Variants in UTP20 observed in about 807,000 individuals in gnomAD.
The protein encoded by UTP20 is small subunit processome component 20 homolog.
Under a neutral mutation model 329.5 loss-of-function variants are expected in UTP20, and 164 were observed. That is an observed-to-expected ratio of 0.50 (90% CI 0.44 to 0.57). UTP20 has a LOEUF of 0.57. UTP20 is among the 20% of genes least tolerant of loss of function. The probability of loss-of-function intolerance (pLI) is 0.00; values close to 1 mark genes in which losing one functional copy is unlikely to be tolerated. For synonymous variants in UTP20, 1,151 were observed against 1,159.3 expected, an observed-to-expected ratio of 0.99 and a Z score of 0.14; for missense variants, 3,055 against 3,284.2, an observed-to-expected ratio of 0.93 and a Z score of 1.71.
At chr12:101,357,812 T>C (rs1011103115) in intron 43 of UTP20, among the ~76,000 whole-genome samples, 2 of 152,158 alleles carry the variant, frequency 1.3e-5, no homozygotes, top group African/African-American at 4.8e-5. Context: ...TTACGTGGTA[T>C]CTAGCCCCTC....
At chr12:101,358,870 A>C (rs1468584503) in intron 43 of UTP20, among the ~76,000 whole-genome samples, 1 of 152,092 alleles carries the variant, frequency 6.6e-6, no homozygotes, top group African/African-American at 2.4e-5. Flanking sequence ...CTTTCTGATG[A>C]GTTATTCAAT....
chr12:101,334,376 A>G (rs759751008), intron 28 of UTP20, 49 bp from the exon 29 acceptor site: 5 of 1,518,528 alleles, frequency 3.3e-6, no homozygotes, highest in South Asian at 1.2e-5. Flanking sequence ...TGGTTTTTCT[A>G]TAATTTGGTA....
In UTP20 at chr12:101,280,270, G is replaced by A; in HGVS notation, c.-13G>A. 1 of 1,551,694 alleles carries A rather than the reference G, an allele frequency of 6.4e-7. No individual in the cohort carries two copies. On this transcript the variant is annotated 5_prime_UTR_variant, in exon 1 of 62. Coordinates refer to ENST00000261637, the MANE Select transcript of UTP20 (RefSeq NM_014503.3). The stretch of plus-strand genomic sequence containing the variant: ...CTCCCGAGGCCGTCGCGGGCCACTG[G>A]CCCTCTGCAGCCATGAAGACAAAGC...
In UTP20 at chr12:101,383,275, A is replaced by C. The variant is rs1341625463; in HGVS notation, c.7891A>C (p.Lys2631Gln). ...GATCCAGAAGCTGTCCCGGATTGCA[A>C]AACTGGAAGCTGCTTATTCGCCGAG... is the stretch of plus-strand genomic sequence containing the variant. ...WLIQKLSRIA[K>Q]LEAAYSPRNP... The change falls in exon 59 of 62, where the codon AAA (lysine) becomes CAA (glutamine). Residue 2631 changes from lysine (K) to glutamine (Q), a missense_variant. Lys to Gln is a moderately conservative substitution (Grantham distance 53). This residue lies in a region of UTP20 where 337 missense variants were observed against 345.5 expected (regional missense o/e 0.98). Coordinates refer to ENST00000261637, the MANE Select transcript of UTP20 (RefSeq NM_014503.3). 1.2e-6 allele frequency: 2 copies of C among 1,614,122 alleles called. No individual in the cohort carries two copies. Among genetic ancestry groups the C allele is most frequent in the African/African-American group, 2.7e-5 (2 of 75,048 alleles).
At chr12:101,356,189 C>T (rs377741088) in intron 41 of UTP20, among the ~76,000 whole-genome samples, 2 of 152,188 alleles carry the variant, frequency 1.3e-5, no homozygotes, top group Admixed American at 1.3e-4. Context: ...TGCAGTGGCA[C>T]GATCTCGGCT....
At position 101,363,730 on chromosome 12, in the gene UTP20, T is replaced by C; in HGVS notation, c.5945T>C (p.Leu1982Pro). The C allele has an allele frequency of 1.2e-6, 2 of 1,604,746 alleles. No individual in the cohort carries two copies. The highest frequency in any genetic ancestry group is 1.7e-6 in the Non-Finnish European group (2 of 1,171,564). Residue 1982 changes from leucine to proline, a missense_variant, in exon 45 of 62, where the codon CTT becomes CCT. Leu to Pro is a moderately conservative substitution (Grantham distance 98, BLOSUM62 -3). Transcript: ENST00000261637. ...AAAGATCAGGTTACAAAACTCATCC[T>C]TCCATTAAAAGAGGTAAGGACGTAA... ...VGKDQVTKLI[L>P]PLKEILQNTT...
At chr12:101,371,594 C>T (rs1273255091) in intron 51 of UTP20, among the ~76,000 whole-genome samples, 2 of 136,398 alleles carry the variant, frequency 1.5e-5, no homozygotes, top group African/African-American at 5.6e-5. Context: ...GGTGCAGTGG[C>T]GCGATCTCGG....
chr12:101,289,065 T>C (rs1872050545), intron 6 of UTP20, 24 bp downstream of exon 6: 1 of 1,589,862 alleles, frequency 6.3e-7, no homozygotes, highest in Non-Finnish European at 8.6e-7. Context: ...TTTATCTGTT[T>C]GTTGCTAATC....
intron 12 of UTP20, among the ~76,000 whole-genome samples, chr12:101,299,332 A>T: frequency 6.6e-6 from 1 of 152,220 alleles, no homozygotes; most frequent in Non-Finnish European, 1.5e-5. Context: ...AGTAAAATTC[A>T]TGTCAAAAAG....
At chr12:101,299,897 G>T (rs1181389089) in intron 13 of UTP20, 60 bp downstream of exon 13, 1 of 1,604,962 alleles carries the variant, frequency 6.2e-7, no homozygotes. Flanking sequence ...AAATATGTTA[G>T]CCATTCCTTG....
chr12:101,317,588 A>G lies in UTP20; in HGVS notation c.2663A>G (p.Asp888Gly), dbSNP rs758522706. ...GAAGAGGAACCTGCCGCAGGAGATGATGAAGAGTTGGAGGAAGAGGCAGTG... is the reference window on the plus strand; with the variant it reads ...GAAGAGGAACCTGCCGCAGGAGATGGTGAAGAGTTGGAGGAAGAGGCAGTG... ...EIEEEPAAGD[D>G]EELEEEAVPQ... The change falls in exon 22 of 62, where the codon GAT becomes GGT. Residue 888 changes from aspartate to glycine, a missense_variant. Physicochemically the swap from Asp to Gly is moderately conservative, Grantham distance 94. Around this residue, in one of 3 missense-constraint regions of UTP20, gnomAD observed 2,445 missense variants for 2,575.5 expected, o/e 0.95. Transcript: ENST00000261637. 6.2e-7 allele frequency: 1 copy of G among 1,614,194 alleles called. No homozygotes were observed. Among genetic ancestry groups the G allele is most frequent in the South Asian group, 1.1e-5 (1 of 91,076 alleles).
At chr12:101,314,550 C>G (rs1313958146) in intron 21 of UTP20, among the ~76,000 whole-genome samples, 1 of 150,838 alleles carries the variant, frequency 6.6e-6, no homozygotes, top group African/African-American at 2.4e-5. Context: ...CCCAGCTACT[C>G]GGGAGGCTGA....
intron 16 of UTP20, 117 bp from the exon 17 acceptor site, chr12:101,306,582 C>T: frequency 1.1e-6 from 1 of 920,414 alleles, no homozygotes; most frequent in Admixed American, 2.9e-5. Flanking sequence ...ACATATTACT[C>T]TGGTCAAATG....
chr12:101,286,363 C>A lies in UTP20; in HGVS notation c.369C>A (p.Tyr123Ter). 1 of 1,613,476 alleles carries A rather than the reference C, an allele frequency of 6.2e-7. No individual in the cohort carries two copies. The highest frequency in any genetic ancestry group is 8.5e-7 in the Non-Finnish European group (1 of 1,179,734). ...CACGAGATCTGCAGATGGATTTCTA[C>A]CCACACTTTCCAGAGTTTTTTTTGA... ...QLARDLQMDF[Y>*]PHFPEFFLTI... The change falls in exon 5 of 62, where the codon TAC (tyrosine) becomes TAA (stop). Residue 123 changes from tyrosine (Y) to a stop codon, truncating the protein, a stop_gained. Transcript: ENST00000261637. LOFTEE classifies it high-confidence loss of function.
In UTP20 at chr12:101,353,027, T is replaced by A; in HGVS notation, c.5025-20T>A. 6.7e-7 allele frequency: 1 copy of A among 1,483,682 alleles called. No individual in the cohort carries two copies. Among genetic ancestry groups the A allele is most frequent in the African/African-American group, 1.4e-5 (1 of 71,762 alleles). The allele number at this position is 1,483,682 out of a possible 1,614,324, so 91.9% of individuals were successfully genotyped here. A position where few individuals can be genotyped will look rare whatever the true frequency, so the allele number is the denominator to read the frequency against. ...ATTAATAATCAAATGAACATTTCTG[T>A]ATACTTTTTTTTTTAACAGTTTGCT... On this transcript the variant is annotated intron_variant, in intron 39 of 61. Transcript: ENST00000261637.
chr12:101,371,114 A>G lies in UTP20; in HGVS notation c.6744A>G (p.Val2248=), dbSNP rs1164479222. ...VPEIDEVMRK[V]SKLAVSAQSE... Reference sequence around the variant, plus strand: ...AAATCGATGAGGTCATGCGGAAAGTATCCAAGTTGGCAGTCTCTGCACAAA... The same window carrying G: ...AAATCGATGAGGTCATGCGGAAAGTGTCCAAGTTGGCAGTCTCTGCACAAA... The change falls in exon 51 of 62, where the codon GTA becomes GTG. Residue 2248 remains valine, a synonymous_variant. Coordinates refer to ENST00000261637, the MANE Select transcript of UTP20 (RefSeq NM_014503.3). 1 of 1,614,190 alleles carries G rather than the reference A, an allele frequency of 6.2e-7. No homozygotes were observed. Among genetic ancestry groups the G allele is most frequent in the East Asian group, 2.2e-5 (1 of 44,882 alleles).
intron 14 of UTP20, among the ~76,000 whole-genome samples, chr12:101,302,078 G>A (rs943012538): frequency 2.6e-5 from 4 of 152,114 alleles, no homozygotes. Context: ...CTACAGGTGT[G>A]AACCACCATG....
At chr12:101,299,589 C>A in intron 12 of UTP20, 93 bp from the exon 13 acceptor site, 1 of 1,266,868 alleles carries the variant, frequency 7.9e-7, no homozygotes, top group Non-Finnish European at 1.1e-6. Context: ...CTCTAATGCT[C>A]CACAATGGTA....
Position 101,291,746 on chromosome 12 carries a change from C to G in UTP20, c.896C>G (p.Ser299Trp), listed in dbSNP as rs146584077. 9.8e-6 allele frequency: 15 copies of G among 1,530,134 alleles called. No individual in the cohort carries two copies. In the East Asian group the frequency reaches 3.3e-4, roughly 33 times the overall value. 94.8% of individuals were successfully genotyped at this position (1,530,134 alleles called of 1,614,324 possible). ...FGTFFECLQESLLDLHTKVTK... is the reference protein window; with the variant it reads ...FGTFFECLQEWLLDLHTKVTK... ...TGTTAAATTCTTTGTTTGCAGGAAT[C>G]GCTCTTGGATCTACACACAAAAGTA... The change falls in exon 9 of 62, where the codon TCG becomes TGG. Residue 299 changes from serine (S) to tryptophan (W), a missense_variant. By Grantham distance (177) the Ser-to-Trp change is radical. Coordinates refer to ENST00000261637, the MANE Select transcript of UTP20 (RefSeq NM_014503.3).
Sources: gnomAD v4.1 joint callset for allele counts (sites outside exome capture counted in the v4.1 genomes callset) on GRCh38, gnomAD v4.1.1 for gene constraint, gnomAD v4.1.1 regional missense constraint, MANE v1.5 for transcripts, NCBI Gene and HGNC (gene_info 2026-07-23, HGNC 2026-07-21) for gene names.